Variants in MLIP observed in about 807,000 individuals in gnomAD.
The protein encoded by MLIP is muscular LMNA interacting protein.
A neutral mutation model predicts 84.8 loss-of-function variants in MLIP; 79 were observed. That is an observed-to-expected ratio of 0.93 (90% CI 0.78 to 1.12). The LOEUF is 1.12. MLIP is among the 50% of genes most tolerant of loss of function. The pLI, the probability that MLIP is intolerant of heterozygous loss-of-function variation, is 0.00. For synonymous variants in MLIP, 504 were observed against 463.0 expected (o/e 1.09, Z -1.14); for missense variants, 1,257 against 1,160.6 (o/e 1.08, Z -1.21).
At chr6:54,254,735 T>TTC (rs1554195158) in intron 12 of MLIP, among the ~76,000 whole-genome samples, 2 of 129,998 alleles carry the variant, frequency 1.5e-5, no homozygotes, top group East Asian at 4.9e-4. Context: ...TCTTTTTTTT[T>TTC]CTCCCTCCCT....
Position 54,067,829 on chromosome 6 carries a change from G to A in MLIP, c.63+48738G>A, listed in dbSNP as rs552361330. Among the ~76,000 whole-genome samples the A allele has an allele frequency of 8.4e-4, 84 of 100,368 alleles. 24 individuals are homozygous for A. The South Asian group carries it at 8.9e-3, about 11-fold the overall frequency. The allele number at this position is 100,368 out of a possible 152,430, so 65.8% of individuals were successfully genotyped here. On this transcript the variant is annotated intron_variant, in intron 1 of 12. Coordinates refer to the MLIP transcript ENST00000274897. Reference sequence around the variant, plus strand: ...TAATCAGTTTAGAGTGCAAGTGATGGGAGTCAAACTTTATATACTTAAGGC... The same window carrying A: ...TAATCAGTTTAGAGTGCAAGTGATGAGAGTCAAACTTTATATACTTAAGGC...
At chr6:54,044,547 G>T (rs1582019929) in intron 1 of MLIP, among the ~76,000 whole-genome samples, 1 of 151,958 alleles carries the variant, frequency 6.6e-6, no homozygotes, top group Non-Finnish European at 1.5e-5. Flanking sequence ...CTTGTGTATT[G>T]TTGTTCAAAC....
intron 13 of MLIP, among the ~76,000 whole-genome samples, chr6:54,265,747 G>T (rs146426291): frequency 6.6e-6 from 1 of 152,032 alleles, no homozygotes; most frequent in Non-Finnish European, 1.5e-5. Context: ...CTGATGTAAA[G>T]GTACAGCTGT....
Position 54,256,739 on chromosome 6 carries a change from T to C in MLIP, c.2923-569T>C, listed in dbSNP as rs565326714. 2.0e-5 allele frequency among the ~76,000 whole-genome samples: 3 copies of C among 152,306 alleles called. No homozygotes were observed. The South Asian group carries it at 6.2e-4, about 32-fold the overall frequency. ...CTCTTCTGTTAAAGTGTCTCTATGA[T>C]ATAAATTACATTATAATAACATCAC... On this transcript the variant is annotated intron_variant, in intron 12 of 13. Coordinates refer to ENST00000502396, the MANE Select transcript of MLIP (RefSeq NM_001281747.2).
chr6:54,160,713 T>C, intron 7 of MLIP, 27 bp from the exon 8 acceptor site: 1 of 1,538,744 alleles, frequency 6.5e-7, no homozygotes, highest in Non-Finnish European at 9.0e-7. Context: ...TTTCTCTTCT[T>C]CTTTCCTTCC....
intron 11 of MLIP, chr6:54,218,025 A>G (rs1363607737): frequency 5.1e-6 from 5 of 984,768 alleles, no homozygotes; most frequent in East Asian, 1.1e-4. Flanking sequence ...GTCACAAACT[A>G]TGGTCTGTGG....
At chr6:54,144,012 C>T (rs1772560333) in intron 4 of MLIP, among the ~76,000 whole-genome samples, 1 of 152,082 alleles carries the variant, frequency 6.6e-6, no homozygotes, top group African/African-American at 2.4e-5. Context: ...AGGGACCTGT[C>T]CTGGGAGGTT....
intron 10 of MLIP, among the ~76,000 whole-genome samples, chr6:54,196,845 G>A (rs1053955404): frequency 6.6e-6 from 1 of 152,152 alleles, no homozygotes; most frequent in South Asian, 2.1e-4. Context: ...ACAGATGTCA[G>A]GTAGTGGTAA....
intron 12 of MLIP, among the ~76,000 whole-genome samples, chr6:54,252,319 ATATAT>A (rs1221367690): frequency 1.6e-4 from 19 of 118,510 alleles, no homozygotes; most frequent in African/African-American, 4.7e-4. Context: ...TATAACTATA[ATATAT>A]TATACCATAT....
rs1189977748 is a variant in MLIP, at chr6:54,124,714, T to A, written c.494T>A (p.Ile165Asn). The change falls in exon 3 of 14, where the codon ATT becomes AAT. Residue 165 changes from isoleucine (I) to asparagine (N), a missense_variant. Transcript: ENST00000502396. ...RKVEQGPPGG[I>N]GTAAVRPKSL... ...GTTGAACAAGGCCCCCCAGGGGGGATTGGCACCGCAGCTGTCCGGCCCAAG... is the reference window on the plus strand; with the variant it reads ...GTTGAACAAGGCCCCCCAGGGGGGAATGGCACCGCAGCTGTCCGGCCCAAG... 1.2e-6 allele frequency: 2 copies of A among 1,614,120 alleles called. No homozygotes were observed. The highest frequency in any genetic ancestry group is 1.7e-5 in the Admixed American group (1 of 60,012).
At chr6:54,023,294 C>T (rs1763612462) in intron 1 of MLIP, among the ~76,000 whole-genome samples, 1 of 151,634 alleles carries the variant, frequency 6.6e-6, no homozygotes, top group Admixed American at 6.6e-5. Context: ...ATAAATATTG[C>T]TACCTTGAGT....
In MLIP at chr6:54,230,802, A is replaced by T; in HGVS notation, c.2807A>T (p.Gln936Leu). 7.4e-6 allele frequency: 12 copies of T among 1,614,048 alleles called. No individual in the cohort carries two copies. The highest frequency in any genetic ancestry group is 1.0e-5 in the Non-Finnish European group (12 of 1,179,974). The part of the protein sequence containing the change: ...YPPAKSLLHP[Q>L]TLSHADCLAP... ...CCTGCTAAGTCACTGCTGCATCCAC[A>T]GACCCTCTCACATGCTGACTGTCTT... The change falls in exon 12 of 14, where the codon CAG (glutamine) becomes CTG (leucine). Residue 936 changes from glutamine to leucine, a missense_variant. Coordinates refer to ENST00000502396, the MANE Select transcript of MLIP (RefSeq NM_001281747.2).
At chr6:54,120,413 A>G (rs867933994) in intron 1 of MLIP, among the ~76,000 whole-genome samples, 24 of 148,122 alleles carry the variant, frequency 1.6e-4, no homozygotes, top group African/African-American at 5.8e-4. Context: ...TTTTTTTTGT[A>G]TTTTTAATAG....
intron 4 of MLIP, 139 bp from the exon 5 acceptor site, chr6:54,148,917 T>A: frequency 1.5e-5 from 9 of 611,532 alleles, no homozygotes; most frequent in Non-Finnish European, 2.3e-5. Flanking sequence ...ATTGTTTCTG[T>A]CAGAAACAAG....
intron 10 of MLIP, 98 bp from the exon 11 acceptor site, chr6:54,202,007 T>C (rs1343764855): frequency 2.4e-6 from 2 of 848,592 alleles, no homozygotes; most frequent in African/African-American, 3.6e-5. Context: ...TATAATTTTC[T>C]GTGAGAACAG....
upstream of MLIP, among the ~76,000 whole-genome samples, chr6:54,109,614 C>T (rs570714782): frequency 6.6e-6 from 1 of 152,048 alleles, no homozygotes; most frequent in African/African-American, 2.4e-5. Flanking sequence ...TTCCCTTTCC[C>T]CGTTCTTCTA....
chr6:54,148,069 A>C (rs556235570), intron 4 of MLIP, among the ~76,000 whole-genome samples: 286 of 152,180 alleles, frequency 1.9e-3, no homozygotes, highest in Middle Eastern at 3.4e-3. Context: ...TACATCTATA[A>C]AACCCAAGGT....
chr6:54,261,596 T>C lies in MLIP; in HGVS notation c.2976+4235T>C, dbSNP rs929439400. On this transcript the variant is annotated intron_variant, in intron 13 of 13. Coordinates refer to ENST00000502396, the MANE Select transcript of MLIP (RefSeq NM_001281747.2). ...TATGACTGATTTGCCACTTTGGTGG[T>C]ATATAAGCTTTCTGAGTTTATTTTA... 6.1e-6 allele frequency: 6 copies of C among 985,056 alleles called. No homozygotes were observed. The African/African-American group carries it at 1.0e-4, about 17-fold the overall frequency. The allele number at this position is 985,056 out of a possible 1,614,324, so 61.0% of individuals were successfully genotyped here. A position where few individuals can be genotyped will look rare whatever the true frequency, so the allele number is the denominator to read the frequency against.
intron 3 of MLIP, among the ~76,000 whole-genome samples, chr6:54,128,223 A>G (rs1176628840): frequency 1.3e-5 from 2 of 152,160 alleles, no homozygotes; most frequent in African/African-American, 4.8e-5. Context: ...GTGGCACTAT[A>G]TGATGATATC....
Sources: allele counts gnomAD v4.1 joint callset (sites outside exome capture counted in the v4.1 genomes callset), GRCh38; gene constraint gnomAD v4.1.1; transcripts MANE v1.5; gene names NCBI Gene and HGNC (gene_info 2026-07-23, HGNC 2026-07-21).